The following ERCC6L2 variants were observed in gnomAD, a reference collection of about 807,000 sequenced individuals.
ERCC6L2 encodes the protein ERCC excision repair 6 like 2.
Under a neutral mutation model 132.0 loss-of-function variants are expected in ERCC6L2, and 77 were observed. The ratio of observed to expected loss-of-function variants is 0.58; its 90% CI spans 0.49 to 0.71. The LOEUF (loss-of-function observed/expected upper bound fraction) is 0.71, where lower values mean the gene tolerates loss of function less well. ERCC6L2 is among the 30% of genes least tolerant of loss of function. The probability of loss-of-function intolerance (pLI) is 0.00; values close to 1 mark genes in which losing one functional copy is unlikely to be tolerated. For synonymous variants in ERCC6L2, 583 were observed against 632.4 expected (o/e 0.92, Z 1.17); for missense variants, 1,542 against 1,837.6 (o/e 0.84, Z 2.94).
At chr9:95,904,246 C>G (rs1475495187) in intron 3 of ERCC6L2, among the ~76,000 whole-genome samples, 1 of 152,060 alleles carries the variant, frequency 6.6e-6, no homozygotes, top group African/African-American at 2.4e-5. Flanking sequence ...TTTGATATCA[C>G]ACTTCTTTCC....
At chr9:96,036,744 T>A (rs944579553) in intron 19 of ERCC6L2, among the ~76,000 whole-genome samples, 2 of 132,278 alleles carry the variant, frequency 1.5e-5, no homozygotes, top group Non-Finnish European at 1.6e-5. Context: ...TTTTTTAAAT[T>A]ATTATTATTA....
intron 12 of ERCC6L2, among the ~76,000 whole-genome samples, chr9:95,948,350 C>T (rs1831161020): frequency 6.6e-6 from 1 of 152,120 alleles, no homozygotes; most frequent in South Asian, 2.1e-4. Flanking sequence ...TTGTTGCAAT[C>T]TCATGATAAA....
rs190709754 is a variant in ERCC6L2, at chr9:95,884,673, G to A, written c.471+3380G>A. 2.2e-4 allele frequency among the ~76,000 whole-genome samples: 33 copies of A among 152,168 alleles called. No individual in the cohort carries two copies. The East Asian group carries it at 6.4e-3, about 29-fold the overall frequency. The stretch of plus-strand genomic sequence containing the variant: ...ATATTTTACACTCTACAGGGGATGA[G>A]AATTGAAAAATGTCCATTTGTTCTA... On this transcript the variant is annotated intron_variant, in intron 2 of 18. Transcript: ENST00000653738.
rs1316807907 is a variant in ERCC6L2, at chr9:95,972,222, C to A, written c.2471C>A (p.Pro824His). The A allele has an allele frequency of 2.3e-6, 3 of 1,303,984 alleles. No individual in the cohort carries two copies. Among genetic ancestry groups the A allele is most frequent in the Non-Finnish European group, 3.0e-6 (3 of 988,918 alleles). The allele number at this position is 1,303,984 out of a possible 1,614,324, so 80.8% of individuals were successfully genotyped here. ...GATGATGAAAGTTCTGATGAGCAGC[C>A]CACATGCCTTTCAACAGAAGCCAAA... Reference protein sequence around the residue: ...ASDDESSDEQPTCLSTEAKDA... With the variant: ...ASDDESSDEQHTCLSTEAKDA... The change falls in exon 16 of 19, where the codon CCC (proline) becomes CAC (histidine). Residue 824 changes from proline (P) to histidine (H), a missense_variant. Transcript: ENST00000653738.
At chr9:95,941,419 T>C (rs1187258924) in intron 11 of ERCC6L2, 35 bp from the exon 12 acceptor site, 7 of 1,518,762 alleles carry the variant, frequency 4.6e-6, no homozygotes, top group African/African-American at 2.8e-5. Flanking sequence ...GTTTTTGCTG[T>C]TCTAATGTGC....
chr9:95,895,796 G>A (rs566797204), intron 2 of ERCC6L2, among the ~76,000 whole-genome samples: 70 of 147,470 alleles, frequency 4.7e-4, no homozygotes, highest in Non-Finnish European at 6.4e-4. Flanking sequence ...GCGCGATCTC[G>A]GCTCACTGCA....
chr9:95,931,251 A>G (rs1275227944), intron 11 of ERCC6L2, among the ~76,000 whole-genome samples: 2 of 152,080 alleles, frequency 1.3e-5, no homozygotes. Flanking sequence ...TGCCCTTTGT[A>G]ATAATCCTCA....
chr9:95,936,540 A>G (rs979569005), intron 11 of ERCC6L2, among the ~76,000 whole-genome samples: 3 of 152,182 alleles, frequency 2.0e-5, no homozygotes, highest in Non-Finnish European at 4.4e-5. Context: ...TATGGATGTT[A>G]GCCACATTTT....
In ERCC6L2 at chr9:96,017,101, C is replaced by T. The variant is rs564695724; in HGVS notation, c.*3898C>T. On this transcript the variant is annotated 3_prime_UTR_variant, in exon 19 of 19. Coordinates refer to ENST00000653738, the MANE Select transcript of ERCC6L2 (RefSeq NM_020207.7). ...TTGCCTGCTGCTCATTCCATCATCA[C>T]GGATACAGACTTGTTTCTGGTTTCA... 1.1e-4 allele frequency among the ~76,000 whole-genome samples: 17 copies of T among 152,138 alleles called. No individual in the cohort carries two copies. The highest frequency in any genetic ancestry group is 2.4e-4 in the Non-Finnish European group (16 of 68,030).
intron 12 of ERCC6L2, among the ~76,000 whole-genome samples, chr9:95,952,832 C>A (rs894402844): frequency 7.0e-6 from 1 of 143,250 alleles, no homozygotes; most frequent in African/African-American, 2.5e-5. Context: ...AGAGTGACTC[C>A]GTCTCAATAA....
Position 95,875,931 on chromosome 9 carries a change from G to A in ERCC6L2, c.-108G>A, listed in dbSNP as rs1827227049. The A allele has an allele frequency of 4.1e-6, 5 of 1,229,778 alleles. No homozygotes were observed. The highest frequency in any genetic ancestry group is 1.5e-5 in the African/African-American group (1 of 67,552). 76.2% of individuals were successfully genotyped at this position (1,229,778 alleles called of 1,614,324 possible). ...GCCGAAGAGCGATGCTCGGAGGGCG[G>A]CCGGAAGTGGCGTTGGCCGCCATTG... On this transcript the variant is annotated 5_prime_UTR_variant, in exon 1 of 19. Transcript: ENST00000653738.
At chr9:95,894,584 CTTTTTTTTTT>C (rs1218474585) in intron 2 of ERCC6L2, among the ~76,000 whole-genome samples, 1 of 83,482 alleles carries the variant, frequency 1.2e-5, no homozygotes, top group Admixed American at 1.3e-4. Context: ...ATATGTCAGC[CTTTTTTTTTT>C]TTTTTTTTTT....
chr9:95,920,180 C>G (rs1829794490), intron 6 of ERCC6L2, among the ~76,000 whole-genome samples: 1 of 151,964 alleles, frequency 6.6e-6, no homozygotes, highest in African/African-American at 2.4e-5. Context: ...AAAGTTACAC[C>G]AAGTGTGCCT....
intron 13 of ERCC6L2, among the ~76,000 whole-genome samples, chr9:95,963,240 T>C (rs567778394): frequency 2.0e-5 from 3 of 151,980 alleles, no homozygotes; most frequent in Non-Finnish European, 4.4e-5. Flanking sequence ...AACCCCCAGT[T>C]AGCTTCACTC....
At chr9:96,036,757 A>ATTT (rs1378223238) in intron 19 of ERCC6L2, among the ~76,000 whole-genome samples, 1 of 130,540 alleles carries the variant, frequency 7.7e-6, no homozygotes, top group African/African-American at 2.7e-5. Context: ...TATTATTATT[A>ATTT]TTATTATTTT....
intron 13 of ERCC6L2, among the ~76,000 whole-genome samples, chr9:95,962,569 A>G (rs1831958172): frequency 6.6e-6 from 1 of 152,186 alleles, no homozygotes; most frequent in Admixed American, 6.5e-5. Flanking sequence ...AAGATGTCTG[A>G]AGACATTTTT....
At position 95,944,518 on chromosome 9, in the gene ERCC6L2, C is replaced by T. The variant is rs192514072; in HGVS notation, c.1847+2969C>T. Reference sequence around the variant, plus strand: ...CTTAAAAATAGCTAAAATGGTAAATCGTTTTGTATGTTTTGCCACAATTAA... The same window carrying T: ...CTTAAAAATAGCTAAAATGGTAAATTGTTTTGTATGTTTTGCCACAATTAA... On this transcript the variant is annotated intron_variant, in intron 12 of 18. Coordinates refer to ENST00000653738, the MANE Select transcript of ERCC6L2 (RefSeq NM_020207.7). Among the ~76,000 whole-genome samples the T allele has an allele frequency of 3.9e-5, 6 of 152,222 alleles. No homozygotes were observed. The East Asian group carries it at 9.7e-4, about 25-fold the overall frequency.
At chr9:95,933,796 A>G (rs907797000) in intron 11 of ERCC6L2, among the ~76,000 whole-genome samples, 20 of 150,260 alleles carry the variant, frequency 1.3e-4, no homozygotes, top group Non-Finnish European at 2.5e-4. Context: ...GTAAGCTGAG[A>G]TGACGCCACT....
At chr9:95,891,351 G>T (rs561036056) in intron 2 of ERCC6L2, among the ~76,000 whole-genome samples, 5 of 152,242 alleles carry the variant, frequency 3.3e-5, no homozygotes, top group African/African-American at 1.2e-4. Context: ...TTATAAAAAT[G>T]CAAGCTGTAA....
Sources: allele counts gnomAD v4.1 joint callset (sites outside exome capture counted in the v4.1 genomes callset), GRCh38; gene constraint gnomAD v4.1.1; transcripts MANE v1.5; gene names NCBI Gene and HGNC (gene_info 2026-07-23, HGNC 2026-07-21).